ARHGAP24: variants seen among roughly 807,000 people sequenced by gnomAD.
The protein encoded by ARHGAP24 is rho GTPase-activating protein 24.
ARHGAP24 carries 50 observed loss-of-function variants against 76.4 expected under a neutral mutation model. That is an observed-to-expected ratio of 0.65 (90% confidence interval 0.52 to 0.83). The LOEUF is 0.83. ARHGAP24 is among the 40% of genes least tolerant of loss of function. ARHGAP24 has a pLI of 0.00. For missense variants in ARHGAP24, 930 were observed against 914.2 expected (o/e 1.02, Z -0.22); for synonymous variants, 345 against 323.3 (o/e 1.07, Z -0.72).
chr4:85,826,609 G>A (rs1729723084), intron 3 of ARHGAP24, among the ~76,000 whole-genome samples: 1 of 152,136 alleles, frequency 6.6e-6, no homozygotes, highest in African/African-American at 2.4e-5. Flanking sequence ...TACTCACTGG[G>A]GAAATAAGAG....
At chr4:85,487,175 T>C (rs1232912912) in intron 1 of ARHGAP24, among the ~76,000 whole-genome samples, 1 of 136,586 alleles carries the variant, frequency 7.3e-6, no homozygotes, top group African/African-American at 2.8e-5. Flanking sequence ...AATATATATT[T>C]ATTTTATATA....
intron 3 of ARHGAP24, among the ~76,000 whole-genome samples, chr4:85,741,744 A>C (rs765286706): frequency 2.6e-4 from 40 of 152,338 alleles, no homozygotes; most frequent in Non-Finnish European, 5.1e-4. Flanking sequence ...ATTTTAGTGC[A>C]TAATTTTATA....
intron 4 of ARHGAP24, among the ~76,000 whole-genome samples, chr4:85,935,767 A>G (rs1441934458): frequency 6.6e-6 from 1 of 152,184 alleles, no homozygotes; most frequent in Non-Finnish European, 1.5e-5. Flanking sequence ...CCTAGTGTGT[A>G]TAATTGCTCC....
intron 2 of ARHGAP24, among the ~76,000 whole-genome samples, chr4:85,635,654 A>G (rs1172401279): frequency 6.6e-6 from 1 of 151,892 alleles, no homozygotes; most frequent in Admixed American, 6.6e-5. Flanking sequence ...TCCCAGAAAG[A>G]ATCCAGAGCA....
intron 3 of ARHGAP24, among the ~76,000 whole-genome samples, chr4:85,909,260 C>G (rs1254288359): frequency 6.6e-6 from 1 of 151,662 alleles, no homozygotes; most frequent in Admixed American, 6.6e-5. Context: ...ACTACAAAAC[C>G]TTCAGTAAAT....
At chr4:85,804,621 A>G (rs1728715245) in intron 3 of ARHGAP24, among the ~76,000 whole-genome samples, 1 of 152,244 alleles carries the variant, frequency 6.6e-6, no homozygotes, top group Admixed American at 6.5e-5. Flanking sequence ...GAATTTTGTC[A>G]TCATTTTACA....
chr4:85,514,355 A>G (rs569836705), intron 1 of ARHGAP24, among the ~76,000 whole-genome samples: 6 of 152,282 alleles, frequency 3.9e-5, no homozygotes, highest in African/African-American at 1.4e-4. Flanking sequence ...CATTTCTGCC[A>G]AAACTACTTT....
intron 3 of ARHGAP24, among the ~76,000 whole-genome samples, chr4:85,769,341 T>C (rs7684989): frequency 0.9 from 136,392 of 152,220 alleles, 63,041 homozygotes; most frequent in East Asian, 1. Context: ...TTCTTAACCA[T>C]CTGATAAGTT....
Position 86,002,283 on chromosome 4 carries a change from C to A in ARHGAP24, c.*1561C>A, listed in dbSNP as rs1386078409. 6.6e-6 allele frequency: 1 copy of A among 152,190 alleles called. No homozygotes were observed. Among genetic ancestry groups the A allele is most frequent in the Non-Finnish European group, 1.5e-5 (1 of 68,038 alleles). The allele number at this position is 152,190 out of a possible 1,614,324, so 9.4% of individuals were successfully genotyped here. On this transcript the variant is annotated 3_prime_UTR_variant, in exon 10 of 10. Coordinates refer to ENST00000395184, the MANE Select transcript of ARHGAP24 (RefSeq NM_001025616.3). ...CACTGTCTTGCTTTTATTTTTTACT[C>A]TCCCACTGAGCAAGCGTCTGTGGTC...
chr4:85,693,036 T>A (rs1363204879), intron 2 of ARHGAP24, among the ~76,000 whole-genome samples: 1 of 152,216 alleles, frequency 6.6e-6, no homozygotes, highest in African/African-American at 2.4e-5. Flanking sequence ...GCTGAACTCT[T>A]GCCCATTGTT....
intron 2 of ARHGAP24, among the ~76,000 whole-genome samples, chr4:85,642,251 G>A (rs993917992): frequency 2.0e-5 from 3 of 152,070 alleles, no homozygotes; most frequent in African/African-American, 7.2e-5. Context: ...CTGTTTTTAA[G>A]GCCTAAAATG....
At chr4:85,656,901 G>A (rs954620943) in intron 2 of ARHGAP24, among the ~76,000 whole-genome samples, 4 of 151,998 alleles carry the variant, frequency 2.6e-5, no homozygotes, top group African/African-American at 4.8e-5. Context: ...GTTTAACTTC[G>A]CTCCTTTCAG....
At chr4:85,936,595 AT>A (rs1736646717) in intron 4 of ARHGAP24, among the ~76,000 whole-genome samples, 1 of 152,138 alleles carries the variant, frequency 6.6e-6, no homozygotes, top group East Asian at 1.9e-4. Flanking sequence ...CAATTATTTC[AT>A]TATAATAAAT....
At chr4:85,846,196 T>G (rs2110155144) in intron 3 of ARHGAP24, among the ~76,000 whole-genome samples, 1 of 152,272 alleles carries the variant, frequency 6.6e-6, no homozygotes, top group South Asian at 2.1e-4. Context: ...TGATCCACAG[T>G]GCCTAGCCTC....
intron 1 of ARHGAP24, among the ~76,000 whole-genome samples, chr4:85,564,302 C>A (rs1308396589): frequency 1.3e-5 from 2 of 150,428 alleles, no homozygotes; most frequent in Non-Finnish European, 2.9e-5. Context: ...ACAAAAAAAA[C>A]AAGCACTGTA....
chr4:85,715,429 G>A (rs955851431), intron 2 of ARHGAP24, among the ~76,000 whole-genome samples: 5 of 152,000 alleles, frequency 3.3e-5, no homozygotes, highest in Non-Finnish European at 7.4e-5. Context: ...TAAATACTGT[G>A]TACCAGGCAC....
intron 2 of ARHGAP24, among the ~76,000 whole-genome samples, chr4:85,689,593 T>A (rs1188316597): frequency 6.6e-6 from 1 of 152,094 alleles, no homozygotes; most frequent in Admixed American, 6.5e-5. Context: ...TTTGCCATGT[T>A]ACCCAGGCTA....
chr4:85,610,209 G>A (rs572300138), intron 2 of ARHGAP24, among the ~76,000 whole-genome samples: 16 of 151,794 alleles, frequency 1.1e-4, no homozygotes, highest in South Asian at 4.2e-4. Flanking sequence ...CTTGGGAAGC[G>A]GAGGCAGGCG....
At chr4:85,898,132 C>G (rs1182396489) in intron 3 of ARHGAP24, among the ~76,000 whole-genome samples, 1 of 149,700 alleles carries the variant, frequency 6.7e-6, no homozygotes, top group East Asian at 2.0e-4. Flanking sequence ...GAAATTGTCT[C>G]CAAAAGTACT....
Sources: gnomAD v4.1 joint callset for allele counts (sites outside exome capture counted in the v4.1 genomes callset) on GRCh38, gnomAD v4.1.1 for gene constraint, MANE v1.5 for transcripts, NCBI Gene and HGNC (gene_info 2026-07-23, HGNC 2026-07-21) for gene names.